Variants in KCNQ1OT1 observed in about 807,000 individuals in gnomAD.
KCNQ1OT1 encodes KCNQ1 antisense RNA 2 (non-protein coding).
chr11:2,676,727 A>G lies in KCNQ1OT1; in HGVS notation n.23268T>C, dbSNP rs1209210968. On this transcript the variant is annotated non_coding_transcript_exon_variant, in exon 1 of 1. Coordinates refer to ENST00000597346, the Ensembl canonical transcript of KCNQ1OT1. This position sits in a 1 kb window ranked among gnomAD's most constrained non-coding sequence, Gnocchi z 4.2. ...CAGGAGATAACCAAGTCATATGCAT[A>G]GTGGCTTTGGGTACGATGGTCTGCT... 2.5e-6 allele frequency: 1 copy of G among 398,534 alleles called. No homozygotes were observed. Among genetic ancestry groups the G allele is most frequent in the Non-Finnish European group, 4.4e-6 (1 of 226,094 alleles). 24.7% of individuals were successfully genotyped at this position (398,534 alleles called of 1,614,324 possible).
chr11:2,648,115 G>A, exon 1 of KCNQ1OT1: 2 of 371,406 alleles, frequency 5.4e-6, no homozygotes, highest in Non-Finnish European at 9.5e-6. Flanking sequence ...TGAGGCAGGA[G>A]GATTGCTTGA....
exon 1 of KCNQ1OT1, chr11:2,646,007 A>C (rs1205978885): frequency 5.0e-6 from 2 of 398,502 alleles, no homozygotes; most frequent in African/African-American, 4.1e-5. Context: ...AATGTGGACC[A>C]CTAGGGGCTC....
chr11:2,678,777 G>A lies in KCNQ1OT1; in HGVS notation n.21218C>T, dbSNP rs1850337295. On this transcript the variant is annotated non_coding_transcript_exon_variant, in exon 1 of 1. Coordinates refer to ENST00000597346, the Ensembl canonical transcript of KCNQ1OT1. The surrounding 1 kb of genome is among the most constrained non-coding windows in gnomAD (Gnocchi z 4.9). Reference sequence around the variant, plus strand: ...TGTTTGGGACTGAGGCTTCATCGTGGCAGCTAATAATGTCAGGGAGCATGA... The same window carrying A: ...TGTTTGGGACTGAGGCTTCATCGTGACAGCTAATAATGTCAGGGAGCATGA... 1 of 398,602 alleles carries A rather than the reference G, an allele frequency of 2.5e-6. No individual in the cohort carries two copies. 24.7% of individuals were successfully genotyped at this position (398,602 alleles called of 1,614,324 possible).
exon 1 of KCNQ1OT1, chr11:2,675,892 T>G (rs1850285203): frequency 2.5e-6 from 1 of 398,688 alleles, no homozygotes; most frequent in South Asian, 1.3e-4. Flanking sequence ...GCTTTATGTA[T>G]TCAAGGGTTG....
chr11:2,645,437 G>T lies in KCNQ1OT1; in HGVS notation n.54558C>A. The T allele has an allele frequency of 2.5e-6, 1 of 398,664 alleles. No individual in the cohort carries two copies. Among genetic ancestry groups the T allele is most frequent in the South Asian group, 1.3e-4 (1 of 7,802 alleles). 24.7% of individuals were successfully genotyped at this position (398,664 alleles called of 1,614,324 possible). The stretch of plus-strand genomic sequence containing the variant: ...CCCTCCAGTAATGCAAGAATGTACT[G>T]ACTGTGGTAGGCAGGCACAGGAAGA... On this transcript the variant is annotated non_coding_transcript_exon_variant, in exon 1 of 1. Coordinates refer to ENST00000597346, the Ensembl canonical transcript of KCNQ1OT1. This position sits in a 1 kb window ranked among gnomAD's most constrained non-coding sequence, Gnocchi z 5.8.
Position 2,676,642 on chromosome 11 carries a change from T to A in KCNQ1OT1, n.23353A>T. On this transcript the variant is annotated non_coding_transcript_exon_variant, in exon 1 of 1. Transcript: ENST00000597346. This position sits in a 1 kb window ranked among gnomAD's most constrained non-coding sequence, Gnocchi z 4.2. ...ATGGGTAGCTTCACAGATTCACAGATAGATAGTTCATTAAGGTCTTGAGTA... is the reference window on the plus strand; with the variant it reads ...ATGGGTAGCTTCACAGATTCACAGAAAGATAGTTCATTAAGGTCTTGAGTA... The A allele has an allele frequency of 5.0e-6, 2 of 398,644 alleles. No individual in the cohort carries two copies. The highest frequency in any genetic ancestry group is 8.8e-6 in the Non-Finnish European group (2 of 226,074). 24.7% of individuals were successfully genotyped at this position (398,644 alleles called of 1,614,324 possible). A position where few individuals can be genotyped will look rare whatever the true frequency, so the allele number is the denominator to read the frequency against.
chr11:2,679,102 G>A lies in KCNQ1OT1; in HGVS notation n.20893C>T, dbSNP rs1385246857. The A allele has an allele frequency of 5.0e-6, 2 of 398,652 alleles. No individual in the cohort carries two copies. The highest frequency in any genetic ancestry group is 4.1e-5 in the African/African-American group (2 of 48,748). The allele number at this position is 398,652 out of a possible 1,614,324, so 24.7% of individuals were successfully genotyped here. On this transcript the variant is annotated non_coding_transcript_exon_variant, in exon 1 of 1. Transcript: ENST00000597346. This position sits in a 1 kb window ranked among gnomAD's most constrained non-coding sequence, Gnocchi z 4.8. ...ATAAAGTGTCATAGCTAGAGCTAGA[G>A]TGCTGTTATAAGCTGTGCAGGCCAA...
exon 1 of KCNQ1OT1, chr11:2,619,321 T>C (rs1849124833): frequency 5.0e-6 from 2 of 398,556 alleles, no homozygotes; most frequent in Non-Finnish European, 8.8e-6. Flanking sequence ...TTTTCATAAA[T>C]GGCATTCGTT....
chr11:2,642,678 G>A lies in KCNQ1OT1; in HGVS notation n.57317C>T, dbSNP rs1849598250. ...CTTGTTTAGTTCTGCTCTGATCTTC[G>A]TTATTTCTTTCCTTCTACTAATTTT... On this transcript the variant is annotated non_coding_transcript_exon_variant, in exon 1 of 1. Transcript: ENST00000597346. This position sits in a 1 kb window ranked among gnomAD's most constrained non-coding sequence, Gnocchi z 4.3. 6 of 397,398 alleles carry A rather than the reference G, an allele frequency of 1.5e-5. No homozygotes were observed. Among genetic ancestry groups the A allele is most frequent in the South Asian group, 1.3e-4 (1 of 7,836 alleles). 24.6% of individuals were successfully genotyped at this position (397,398 alleles called of 1,614,324 possible).
chr11:2,679,601 G>A lies in KCNQ1OT1; in HGVS notation n.20394C>T, dbSNP rs1850352899. On this transcript the variant is annotated non_coding_transcript_exon_variant, in exon 1 of 1. Coordinates refer to ENST00000597346, the Ensembl canonical transcript of KCNQ1OT1. This position sits in a 1 kb window ranked among gnomAD's most constrained non-coding sequence, Gnocchi z 4.8. ...AGTGCCTGACAAAGCTGATGGGGAG[G>A]CGAGTTGGAATGAATAGTATCAGCA... The A allele has an allele frequency of 7.5e-6, 3 of 398,628 alleles. No homozygotes were observed. Among genetic ancestry groups the A allele is most frequent in the Admixed American group, 8.8e-5 (2 of 22,734 alleles). The allele number at this position is 398,628 out of a possible 1,614,324, so 24.7% of individuals were successfully genotyped here.
At chr11:2,694,398 A>G (rs1850638874) in exon 1 of KCNQ1OT1, 1 of 398,558 alleles carries the variant, frequency 2.5e-6, no homozygotes, top group African/African-American at 2.1e-5. Flanking sequence ...AGAATTACTA[A>G]TATCAACTAG....
Position 2,620,023 on chromosome 11 carries a change from C to A in KCNQ1OT1, n.79972G>T, listed in dbSNP as rs1849139247. On this transcript the variant is annotated non_coding_transcript_exon_variant, in exon 1 of 1. Transcript: ENST00000597346. This position sits in a 1 kb window ranked among gnomAD's most constrained non-coding sequence, Gnocchi z 4.5. The stretch of plus-strand genomic sequence containing the variant: ...TTTTCAGCCCACCTCTCCATTCCTC[C>A]CCCAAGTAGTCCCCAGTGTCTACTG... The A allele has an allele frequency of 2.5e-6, 1 of 397,996 alleles. No homozygotes were observed. Among genetic ancestry groups the A allele is most frequent in the South Asian group, 1.3e-4 (1 of 7,826 alleles). 24.7% of individuals were successfully genotyped at this position (397,996 alleles called of 1,614,324 possible).
chr11:2,622,390 G>A (rs1849189129), exon 1 of KCNQ1OT1: 1 of 397,930 alleles, frequency 2.5e-6, no homozygotes, highest in Non-Finnish European at 4.4e-6. Context: ...GTTACTATTT[G>A]TATGAAATAT....
Position 2,657,615 on chromosome 11 carries a change from G to A in KCNQ1OT1, n.42380C>T. ...TGACCAAAACTAAAAAATTAACATT[G>A]GTACACTATTAAGCTAGAGTTATAA... On this transcript the variant is annotated non_coding_transcript_exon_variant, in exon 1 of 1. Coordinates refer to ENST00000597346, the Ensembl canonical transcript of KCNQ1OT1. This position sits in a 1 kb window ranked among gnomAD's most constrained non-coding sequence, Gnocchi z 4.8. 2.5e-6 allele frequency: 1 copy of A among 398,526 alleles called. No individual in the cohort carries two copies. Among genetic ancestry groups the A allele is most frequent in the Admixed American group, 4.4e-5 (1 of 22,736 alleles). 24.7% of individuals were successfully genotyped at this position (398,526 alleles called of 1,614,324 possible). A position where few individuals can be genotyped will look rare whatever the true frequency, so the allele number is the denominator to read the frequency against.
chr11:2,648,855 A>G lies in KCNQ1OT1; in HGVS notation n.51140T>C, dbSNP rs2133839782. The G allele has an allele frequency of 1.5e-5, 6 of 398,266 alleles. No homozygotes were observed. In the East Asian group the frequency reaches 2.2e-4, roughly 14 times the overall value. The allele number at this position is 398,266 out of a possible 1,614,324, so 24.7% of individuals were successfully genotyped here. ...ATTGGGGTCTATCTCTTTAGCACTA[A>G]TAATATTTGTTTAATATACCTGGGT... On this transcript the variant is annotated non_coding_transcript_exon_variant, in exon 1 of 1. Transcript: ENST00000597346.
chr11:2,616,692 T>C (rs1381514419), exon 1 of KCNQ1OT1: 1 of 398,126 alleles, frequency 2.5e-6, no homozygotes, highest in East Asian at 3.6e-5. Context: ...ATTTGTTAAT[T>C]TTTAGGTTTT....
exon 1 of KCNQ1OT1, chr11:2,610,620 C>G: frequency 2.5e-6 from 1 of 395,856 alleles, no homozygotes; most frequent in Non-Finnish European, 4.4e-6. Flanking sequence ...CAAAACTGGT[C>G]TGCTAACAAG....
Position 2,653,008 on chromosome 11 carries a change from A to G in KCNQ1OT1, n.46987T>C, listed in dbSNP as rs891428020. On this transcript the variant is annotated non_coding_transcript_exon_variant, in exon 1 of 1. Coordinates refer to ENST00000597346, the Ensembl canonical transcript of KCNQ1OT1. This position sits in a 1 kb window ranked among gnomAD's most constrained non-coding sequence, Gnocchi z 5.3. ...CACATCACTGTCATGCTTGAGGCAA[A>G]TCTATTCTGCACACCTTTGATCCAA... 1 of 398,606 alleles carries G rather than the reference A, an allele frequency of 2.5e-6. No homozygotes were observed. The highest frequency in any genetic ancestry group is 4.4e-6 in the Non-Finnish European group (1 of 226,062). 24.7% of individuals were successfully genotyped at this position (398,606 alleles called of 1,614,324 possible). A position where few individuals can be genotyped will look rare whatever the true frequency, so the allele number is the denominator to read the frequency against.
At chr11:2,694,703 C>T (rs1850645385) in exon 1 of KCNQ1OT1, 2 of 398,498 alleles carry the variant, frequency 5.0e-6, no homozygotes, top group Admixed American at 4.4e-5. Context: ...CTTGGGGCCT[C>T]TCTTCCGGTG....
Sources: allele counts gnomAD v4.1 joint callset, GRCh38; gene constraint gnomAD v4.1.1; non-coding constraint Gnocchi (gnomAD v3.1); transcripts MANE v1.5; gene names NCBI Gene and HGNC (gene_info 2026-07-23, HGNC 2026-07-21).